The following PDE6A variants were observed in gnomAD, a reference collection of about 807,000 sequenced individuals.
PDE6A encodes phosphodiesterase 6A, also known as rod cGMP-specific 3',5'-cyclic phosphodiesterase subunit alpha.
A neutral mutation model predicts 106.3 loss-of-function variants in PDE6A; 84 were observed. That is an observed-to-expected ratio of 0.79 (90% CI 0.66 to 0.95). The LOEUF is 0.95. PDE6A is among the 40% of genes least tolerant of loss of function. PDE6A has a pLI of 0.00. For missense variants in PDE6A, 1,052 were observed against 1,084.9 expected (o/e 0.97, Z 0.43); for synonymous variants, 394 against 386.6 (o/e 1.02, Z -0.23).
chr5:149,896,387 T>C lies in PDE6A; in HGVS notation c.1589A>G (p.Lys530Arg). Residue 530 changes from lysine to arginine, a missense_variant, in exon 12 of 22, where the codon AAA becomes AGA. This residue lies in a region of PDE6A where 913 missense variants were observed against 915.2 expected (regional missense o/e 1.00). Transcript: ENST00000255266. Reference sequence around the variant, plus strand: ...TGGAATGTGAAATTTATCCACCACTTTGAGCTCATAATACATCTGTATTCC... The same window carrying C: ...TGGAATGTGAAATTTATCCACCACTCTGAGCTCATAATACATCTGTATTCC... ...KCGIQMYYEL[K>R]VVDKFHIPQE... 6.2e-7 allele frequency: 1 copy of C among 1,614,124 alleles called. No individual in the cohort carries two copies. The highest frequency in any genetic ancestry group is 8.5e-7 in the Non-Finnish European group (1 of 1,179,940).
At chr5:149,932,915 G>T in intron 3 of PDE6A, among the ~76,000 whole-genome samples, 1 of 152,242 alleles carries the variant, frequency 6.6e-6, no homozygotes, top group Admixed American at 6.5e-5. Flanking sequence ...CCGAGAGCAC[G>T]GAGGCGCCCA....
intron 16 of PDE6A, 22 bp downstream of exon 16, chr5:149,884,457 T>C: frequency 1.4e-6 from 2 of 1,477,870 alleles, no homozygotes; most frequent in Non-Finnish European, 1.9e-6. Flanking sequence ...CTTTTACTAT[T>C]AGAATGAGAA....
At chr5:149,870,941 GAGAAGAGAAAAGAAA>G in intron 17 of PDE6A, among the ~76,000 whole-genome samples, 1 of 140,654 alleles carries the variant, frequency 7.1e-6, no homozygotes, top group African/African-American at 3.0e-5. Flanking sequence ...AGGAAGAGAA[GAGAAGAGAAAAGAAA>G]AGAAAAGAAA....
chr5:149,895,964 G>A lies in PDE6A; in HGVS notation c.1620+392C>T, dbSNP rs140353502. Among the ~76,000 whole-genome samples, 197 of 152,204 alleles carry A rather than the reference G, an allele frequency of 1.3e-3. 2 individuals carry two copies. The highest frequency in any genetic ancestry group is 8.3e-3 in the East Asian group (43 of 5,188). On this transcript the variant is annotated intron_variant, in intron 12 of 21. Coordinates refer to ENST00000255266, the MANE Select transcript of PDE6A (RefSeq NM_000440.3). ...GCCTCCCACACATACCTTCTCTGCC[G>A]TCCCCCATGACCCTAGACTCACAGC... is the stretch of plus-strand genomic sequence containing the variant.
chr5:149,919,658 C>T (rs1753647750), intron 5 of PDE6A, among the ~76,000 whole-genome samples: 1 of 152,134 alleles, frequency 6.6e-6, no homozygotes, highest in African/African-American at 2.4e-5. Context: ...AAGCCATATT[C>T]ATGTACAAAT....
Position 149,868,252 on chromosome 5 carries a change from A to G in PDE6A, c.2136-94T>C, listed in dbSNP as rs1760406438. 6 of 1,242,158 alleles carry G rather than the reference A, an allele frequency of 4.8e-6. No homozygotes were observed. In the East Asian group the frequency reaches 1.4e-4, roughly 29 times the overall value. The allele number at this position is 1,242,158 out of a possible 1,614,324, so 76.9% of individuals were successfully genotyped here. A position where few individuals can be genotyped will look rare whatever the true frequency, so the allele number is the denominator to read the frequency against. On this transcript the variant is annotated intron_variant, in intron 17 of 21. Transcript: ENST00000255266. ...TCTCTCACCTTTCTCCACCCCCACTAGTAGGTGACTTTGTCTCATTGTGAG... is the reference window on the plus strand; with the variant it reads ...TCTCTCACCTTTCTCCACCCCCACTGGTAGGTGACTTTGTCTCATTGTGAG...
chr5:149,895,380 C>G, intron 12 of PDE6A, 90 bp from the exon 13 acceptor site: 1 of 877,512 alleles, frequency 1.1e-6, no homozygotes, highest in Admixed American at 1.8e-5. Flanking sequence ...AGGCATGGCC[C>G]ATGGCCCTCT....
At chr5:149,939,501 C>T (rs1754271289) in intron 1 of PDE6A, among the ~76,000 whole-genome samples, 1 of 152,154 alleles carries the variant, frequency 6.6e-6, no homozygotes, top group Non-Finnish European at 1.5e-5. Flanking sequence ...GCATCCATCA[C>T]TTAGAATAGA....
rs1394948262 is a variant in PDE6A, at chr5:149,931,131, A to G, written c.755T>C (p.Leu252Pro). The change falls in exon 4 of 22, where the codon CTT becomes CCT. Residue 252 changes from leucine to proline, a missense_variant. Physicochemically the swap from Leu to Pro is moderately conservative, Grantham distance 98 (BLOSUM62 -3). Around this residue, in one of 3 missense-constraint regions of PDE6A, gnomAD observed 913 missense variants for 915.2 expected, o/e 1.00. Coordinates refer to ENST00000255266, the MANE Select transcript of PDE6A (RefSeq NM_000440.3). ...GTGGAACTGTCGTTCGATGTCCGTA[A>G]GTTCTTCAAAGACTTTGCTCCCAGA... ...LWSGSKVFEELTDIERQFHKA... is the reference protein window; with the variant it reads ...LWSGSKVFEEPTDIERQFHKA... 5 of 1,614,058 alleles carry G rather than the reference A, an allele frequency of 3.1e-6. No homozygotes were observed. The East Asian group carries it at 8.9e-5, about 29-fold the overall frequency.
At chr5:149,886,693 G>A (rs1366537975) in intron 13 of PDE6A, among the ~76,000 whole-genome samples, 6 of 152,176 alleles carry the variant, frequency 3.9e-5, no homozygotes. Context: ...CGAGCATATT[G>A]GATCAGATGA....
chr5:149,929,788 G>A (rs530841439), intron 4 of PDE6A, among the ~76,000 whole-genome samples: 1 of 152,186 alleles, frequency 6.6e-6, no homozygotes, highest in Admixed American at 6.5e-5. Context: ...GTATGAAGGA[G>A]GCTGCTGAGG....
At chr5:149,925,300 A>G (rs1240778107) in intron 4 of PDE6A, among the ~76,000 whole-genome samples, 1 of 152,236 alleles carries the variant, frequency 6.6e-6, no homozygotes, top group African/African-American at 2.4e-5. Context: ...AGTACAAAAC[A>G]GAGAACTTTA....
chr5:149,902,727 C>T (rs1753024413), intron 8 of PDE6A, among the ~76,000 whole-genome samples: 1 of 151,052 alleles, frequency 6.6e-6, no homozygotes, highest in Non-Finnish European at 1.5e-5. Context: ...GAGGCTGAGG[C>T]AGGAGGATGG....
At chr5:149,935,675 GA>G (rs1435851578) in intron 1 of PDE6A, among the ~76,000 whole-genome samples, 1 of 152,216 alleles carries the variant, frequency 6.6e-6, no homozygotes, top group Non-Finnish European at 1.5e-5. Context: ...CGGTCAGGAT[GA>G]AAAGACAGAG....
chr5:149,908,851 T>C (rs59324264), intron 6 of PDE6A, among the ~76,000 whole-genome samples: 3,530 of 152,178 alleles, frequency 0.023, 121 homozygotes, highest in African/African-American at 0.079. Context: ...ACTCCATCTC[T>C]AAAAAATATA....
At chr5:149,918,756 C>T (rs1753624822) in intron 5 of PDE6A, among the ~76,000 whole-genome samples, 1 of 151,924 alleles carries the variant, frequency 6.6e-6, no homozygotes, top group African/African-American at 2.4e-5. Context: ...GTAATACAGG[C>T]ACGCGTCACC....
At chr5:149,893,866 T>G (rs2113578227) in intron 13 of PDE6A, among the ~76,000 whole-genome samples, 1 of 152,278 alleles carries the variant, frequency 6.6e-6, no homozygotes, top group Middle Eastern at 3.4e-3. Flanking sequence ...TGCTCCCAGA[T>G]AGCTTGCCCC....
rs1431561979 is a variant in PDE6A, at chr5:149,934,818, C to CTA, written c.475-102_475-101dup. ...GACAAGGGAATAAAGGTGCTTCCAT[C>CTA]TATTCCTCTTCAACAGGGGCAGGGA... On this transcript the variant is annotated intron_variant, in intron 1 of 21. Coordinates refer to ENST00000255266, the MANE Select transcript of PDE6A (RefSeq NM_000440.3). 10 of 1,150,494 alleles carry CTA rather than the reference C, an allele frequency of 8.7e-6. No homozygotes were observed. The African/African-American group carries it at 1.4e-4, about 16-fold the overall frequency. The allele number at this position is 1,150,494 out of a possible 1,614,324, so 71.3% of individuals were successfully genotyped here.
rs749437006 is a variant in PDE6A at position 149,944,422 on chromosome 5, C to G, written c.252G>C (p.Lys84Asn). The change falls in exon 1 of 22, where the codon AAG becomes AAC. Residue 84 changes from lysine to asparagine, a missense_variant. Physicochemically the swap from Lys to Asn is moderately conservative, Grantham distance 94. Coordinates refer to ENST00000255266, the MANE Select transcript of PDE6A (RefSeq NM_000440.3). ...GGTCTGCCTGCAGGAGGAAGCACAG[C>G]TTCTTCATGACATTGAAGATGCATT... Reference protein sequence around the residue: ...TEKCIFNVMKKLCFLLQADRM... With the variant: ...TEKCIFNVMKNLCFLLQADRM... 53 of 1,614,020 alleles carry G rather than the reference C, an allele frequency of 3.3e-5. No individual in the cohort carries two copies. The highest frequency in any genetic ancestry group is 4.4e-5 in the Non-Finnish European group (52 of 1,180,034).
Sources: gnomAD v4.1 joint callset for allele counts (sites outside exome capture counted in the v4.1 genomes callset) on GRCh38, gnomAD v4.1.1 for gene constraint, gnomAD v4.1.1 regional missense constraint, MANE v1.5 for transcripts, NCBI Gene and HGNC (gene_info 2026-07-23, HGNC 2026-07-21) for gene names.